Variants in CD6 observed in about 807,000 individuals in gnomAD.
CD6 encodes T-cell differentiation antigen CD6.
In CD6, 53 loss-of-function variants were observed where a neutral mutation model predicts 75.3. The ratio of observed to expected loss-of-function variants is 0.70; its 90% confidence interval spans 0.56 to 0.88. CD6 has a LOEUF of 0.88. CD6 is among the 40% of genes least tolerant of loss of function. CD6 has a pLI of 0.00. For synonymous variants in CD6, 359 were observed against 381.5 expected, an observed-to-expected ratio of 0.94 and a Z score of 0.69; for missense variants, 770 against 897.1, an observed-to-expected ratio of 0.86 and a Z score of 1.81.
intron 4 of CD6, among the ~76,000 whole-genome samples, chr11:61,009,274 T>G (rs1590717037): frequency 6.6e-6 from 1 of 151,480 alleles, no homozygotes; most frequent in African/African-American, 2.4e-5. Flanking sequence ...ATGGGGGAGG[T>G]GGGGGTGTTA....
At chr11:60,981,176 G>A (rs1304857566) in intron 1 of CD6, among the ~76,000 whole-genome samples, 1 of 152,174 alleles carries the variant, frequency 6.6e-6, no homozygotes, top group African/African-American at 2.4e-5. Flanking sequence ...CTGCAAATAC[G>A]TAAACCTGCC....
intron 6 of CD6, among the ~76,000 whole-genome samples, chr11:61,011,706 C>T (rs993517544): frequency 6.6e-6 from 1 of 152,222 alleles, no homozygotes; most frequent in African/African-American, 2.4e-5. Flanking sequence ...ACAACCAAGG[C>T]TCTGAATTCC....
chr11:60,975,630 G>A (rs995746440), intron 1 of CD6, among the ~76,000 whole-genome samples: 1 of 152,068 alleles, frequency 6.6e-6, no homozygotes, highest in Non-Finnish European at 1.5e-5. Context: ...GCAAAACCCC[G>A]TATCTCCAAA....
chr11:61,009,987 T>C (rs1429122040), intron 5 of CD6, 113 bp downstream of exon 5: 4 of 1,041,578 alleles, frequency 3.8e-6, no homozygotes, highest in Middle Eastern at 2.1e-4. Context: ...CAATGGCACA[T>C]ATGGCATAAG....
chr11:61,006,813 G>A (rs751902504), intron 2 of CD6, among the ~76,000 whole-genome samples, 171 bp downstream of exon 2: 6 of 152,148 alleles, frequency 3.9e-5, no homozygotes, highest in East Asian at 1.9e-4. Flanking sequence ...CTTTGAGGTC[G>A]TAGAACTACC....
At chr11:60,971,951 G>A in intron 1 of CD6, 37 bp downstream of exon 1, 2 of 1,605,766 alleles carry the variant, frequency 1.2e-6, no homozygotes, top group Non-Finnish European at 1.7e-6. Flanking sequence ...CACTGGTGCT[G>A]GAGGAGCCGG....
intron 6 of CD6, among the ~76,000 whole-genome samples, chr11:61,013,219 T>C (rs1200613225): frequency 6.6e-6 from 1 of 152,226 alleles, no homozygotes; most frequent in Non-Finnish European, 1.5e-5. Flanking sequence ...ATTCATTTAA[T>C]CAATTGCTCA....
intron 1 of CD6, among the ~76,000 whole-genome samples, chr11:60,973,035 T>G (rs1370470401): frequency 6.6e-5 from 10 of 152,240 alleles, no homozygotes. Context: ...TCAGCTGCCT[T>G]CTGCCCCTGA....
chr11:61,017,485 A>G lies in CD6; in HGVS notation c.1517A>G (p.Gln506Arg). 6.5e-7 allele frequency: 1 copy of G among 1,549,054 alleles called. No individual in the cohort carries two copies. The highest frequency in any genetic ancestry group is 8.7e-7 in the Non-Finnish European group (1 of 1,146,764). Residue 506 changes from glutamine to arginine, a missense_variant, in exon 10 of 13, where the codon CAG becomes CGG. Coordinates refer to ENST00000313421, the MANE Select transcript of CD6 (RefSeq NM_006725.5). ...CCACCGCCTCTGCTTGCAGATTCCC[A>G]GCGGCATCGGGTCACAGATGAGGAG... ...PVALTTFYNS[Q>R]RHRVTDEEVQ... is the part of the protein sequence containing the mutation.
Position 61,020,218 on chromosome 11 carries a change from T to C in CD6, c.*900T>C, listed in dbSNP as rs2134522539. On this transcript the variant is annotated 3_prime_UTR_variant, in exon 13 of 13. Coordinates refer to ENST00000313421, the MANE Select transcript of CD6 (RefSeq NM_006725.5). ...CCGAGTCCCCATGTGTCTCCTTGAA[T>C]TGATGAGGATGCTCCTGGGAGGGAT... 1 of 398,702 alleles carries C rather than the reference T, an allele frequency of 2.5e-6. No homozygotes were observed. Among genetic ancestry groups the C allele is most frequent in the Middle Eastern group, 6.3e-4 (1 of 1,586 alleles). The allele number at this position is 398,702 out of a possible 1,614,324, so 24.7% of individuals were successfully genotyped here. A position where few individuals can be genotyped will look rare whatever the true frequency, so the allele number is the denominator to read the frequency against.
Position 61,019,872 on chromosome 11 carries a change from C to A in CD6, c.*554C>A. The A allele has an allele frequency of 3.2e-6, 1 of 313,838 alleles. No homozygotes were observed. Among genetic ancestry groups the A allele is most frequent in the Admixed American group, 5.0e-5 (1 of 19,972 alleles). The allele number at this position is 313,838 out of a possible 1,614,324, so 19.4% of individuals were successfully genotyped here. A position where few individuals can be genotyped will look rare whatever the true frequency, so the allele number is the denominator to read the frequency against. The stretch of plus-strand genomic sequence containing the variant: ...CAGCTGTCCCAGGCTTTGCTCCGGG[C>A]GGTAACTGCACTTGGGCAGGGAATA... On this transcript the variant is annotated 3_prime_UTR_variant, in exon 13 of 13. Coordinates refer to ENST00000313421, the MANE Select transcript of CD6 (RefSeq NM_006725.5).
intron 9 of CD6, 40 bp from the exon 10 acceptor site, chr11:61,017,439 T>A: frequency 6.7e-7 from 1 of 1,483,640 alleles, no homozygotes; most frequent in Non-Finnish European, 9.2e-7. Context: ...AATGATGAGG[T>A]TGAGCCTTCA....
chr11:60,971,959 C>T (rs559086262), intron 1 of CD6, 45 bp downstream of exon 1: 33 of 1,591,450 alleles, frequency 2.1e-5, no homozygotes, highest in Middle Eastern at 1.7e-4. Flanking sequence ...CTGGAGGAGC[C>T]GGGTCCGGCC....
intron 1 of CD6, among the ~76,000 whole-genome samples, chr11:61,004,237 T>G (rs1858737264): frequency 6.6e-6 from 1 of 152,112 alleles, no homozygotes; most frequent in African/African-American, 2.4e-5. Context: ...CACACTCATA[T>G]GCACACACCT....
intron 6 of CD6, among the ~76,000 whole-genome samples, chr11:61,012,685 G>T (rs1859206711): frequency 6.6e-6 from 1 of 152,160 alleles, no homozygotes; most frequent in African/African-American, 2.4e-5. Flanking sequence ...CCATTCTTGT[G>T]CTTCACATTC....
rs931401022 is a variant in CD6, at chr11:61,007,743, C to A, written c.302C>A (p.Thr101Asn). The part of the protein sequence containing the change: ...AEAASQLAPP[T>N]PELPPPPAAG... ...GCCGCCTCTCAGCTCGCCCCGCCGACCCCTGAGCTGCCGCCCCCGCCTGCA... is the reference window on the plus strand; with the variant it reads ...GCCGCCTCTCAGCTCGCCCCGCCGAACCCTGAGCTGCCGCCCCCGCCTGCA... The change falls in exon 3 of 13, where the codon ACC becomes AAC. Residue 101 changes from threonine (T) to asparagine (N), a missense_variant. By Grantham distance (65) the Thr-to-Asn change is moderately conservative (BLOSUM62 0). Transcript: ENST00000313421. This position sits in a 1 kb window ranked among gnomAD's most constrained non-coding sequence, Gnocchi z 4.2. 1.4e-6 allele frequency: 2 copies of A among 1,440,588 alleles called. No homozygotes were observed. The highest frequency in any genetic ancestry group is 1.5e-5 in the African/African-American group (1 of 67,438). The allele number at this position is 1,440,588 out of a possible 1,614,324, so 89.2% of individuals were successfully genotyped here. A position where few individuals can be genotyped will look rare whatever the true frequency, so the allele number is the denominator to read the frequency against.
intron 8 of CD6, 53 bp downstream of exon 8, chr11:61,014,067 G>T (rs1229306178): frequency 4.4e-6 from 6 of 1,374,662 alleles, no homozygotes; most frequent in Admixed American, 3.8e-5. Context: ...CAAGAAGGGT[G>T]AGCTTTCTGG....
intron 1 of CD6, among the ~76,000 whole-genome samples, chr11:60,993,651 A>G (rs1858155297): frequency 6.6e-6 from 1 of 152,164 alleles, no homozygotes; most frequent in Non-Finnish European, 1.5e-5. Context: ...ATGGGTTTAG[A>G]TCACTGTTCT....
intron 1 of CD6, among the ~76,000 whole-genome samples, chr11:60,988,761 C>T (rs890045727): frequency 1.4e-4 from 21 of 152,150 alleles, no homozygotes; most frequent in African/African-American, 5.1e-4. Context: ...CCCCTTGGAG[C>T]GGGGAGGATT....
Sources: allele counts gnomAD v4.1 joint callset (sites outside exome capture counted in the v4.1 genomes callset), GRCh38; gene constraint gnomAD v4.1.1; non-coding constraint Gnocchi (gnomAD v3.1); transcripts MANE v1.5; gene names NCBI Gene and HGNC (gene_info 2026-07-23, HGNC 2026-07-21).